The following PHLDB2 variants were observed in gnomAD, a reference collection of about 807,000 sequenced individuals.
PHLDB2 encodes the protein pleckstrin homology like domain family B member 2.
A neutral mutation model predicts 123.6 loss-of-function variants in PHLDB2; 71 were observed. That is an observed-to-expected ratio of 0.57 (90% CI 0.47 to 0.70). PHLDB2 has a LOEUF of 0.70. Ranked by LOEUF, PHLDB2 falls within the 30% of genes least tolerant of loss-of-function variation. The pLI, the probability that PHLDB2 is intolerant of heterozygous loss-of-function variation, is 0.00. For synonymous variants in PHLDB2, 547 were observed against 541.6 expected, an observed-to-expected ratio of 1.01 and a Z score of -0.14; for missense variants, 1,446 against 1,519.5, an observed-to-expected ratio of 0.95 and a Z score of 0.80.
At chr3:111,797,409 T>C (rs1045283205) in intron 1 of PHLDB2, among the ~76,000 whole-genome samples, 1 of 152,178 alleles carries the variant, frequency 6.6e-6, no homozygotes, top group African/African-American at 2.4e-5. Context: ...CCATCTCACT[T>C]TCCTAATTCT....
At chr3:111,901,079 G>T (rs1439982305) in intron 2 of PHLDB2, among the ~76,000 whole-genome samples, 3 of 152,042 alleles carry the variant, frequency 2.0e-5, no homozygotes, top group Non-Finnish European at 4.4e-5. Flanking sequence ...TTTAACACAG[G>T]CCAGGCTTGG....
At chr3:111,813,053 AG>A (rs1340017387) in intron 1 of PHLDB2, among the ~76,000 whole-genome samples, 2 of 152,222 alleles carry the variant, frequency 1.3e-5, no homozygotes, top group African/African-American at 4.8e-5. Flanking sequence ...AAAATCTAGC[AG>A]AGTGCTTTAG....
At chr3:111,903,670 T>G (rs1271016134) in intron 2 of PHLDB2, among the ~76,000 whole-genome samples, 2 of 152,226 alleles carry the variant, frequency 1.3e-5, no homozygotes, top group African/African-American at 4.8e-5. Context: ...TCTAGTTCAC[T>G]TCACGCTTTT....
At chr3:111,796,434 A>T (rs1483530017) in intron 1 of PHLDB2, among the ~76,000 whole-genome samples, 1 of 152,064 alleles carries the variant, frequency 6.6e-6, no homozygotes, top group Non-Finnish European at 1.5e-5. Flanking sequence ...TCCCTTTCCT[A>T]ATTCTGGTAA....
intron 2 of PHLDB2, among the ~76,000 whole-genome samples, chr3:111,908,632 C>G (rs893808624): frequency 6.6e-6 from 1 of 152,136 alleles, no homozygotes; most frequent in Non-Finnish European, 1.5e-5. Context: ...TTGGCCGGTA[C>G]AAGTCTGAGG....
In PHLDB2 at chr3:111,766,929, G is replaced by C. The variant is rs6777990; in HGVS notation, c.-49+34226G>C. Among the ~76,000 whole-genome samples the C allele has an allele frequency of 7.9e-5, 12 of 151,480 alleles. No individual in the cohort carries two copies. The East Asian group carries it at 2.3e-3, about 30-fold the overall frequency. The stretch of plus-strand genomic sequence containing the variant: ...GCCTGTAATCCCAGCTACTTGGGAG[G>C]CTGAGGCAGGAGAATCGCTGGAACG... On this transcript the variant is annotated intron_variant, in intron 1 of 17. Coordinates refer to the PHLDB2 transcript ENST00000393923.
intron 1 of PHLDB2, among the ~76,000 whole-genome samples, chr3:111,777,675 C>T (rs1156411597): frequency 6.7e-6 from 1 of 150,174 alleles, no homozygotes; most frequent in African/African-American, 2.5e-5. Context: ...CTTGTGGTAA[C>T]CCCATATGCA....
intron 1 of PHLDB2, among the ~76,000 whole-genome samples, chr3:111,780,755 T>G (rs919311802): frequency 3.9e-5 from 6 of 152,062 alleles, no homozygotes; most frequent in Non-Finnish European, 8.8e-5. Context: ...ACTTGCAGCT[T>G]TGATGTCCCC....
chr3:111,814,767 A>G (rs750964890), intron 1 of PHLDB2, among the ~76,000 whole-genome samples: 1 of 152,150 alleles, frequency 6.6e-6, no homozygotes, highest in Admixed American at 6.5e-5. Context: ...TTACAAGCAC[A>G]AAGAGAGGGA....
rs564763933 is a variant in PHLDB2 at position 111,888,600 on chromosome 3, G to T, written c.1335+3188G>T. Among the ~76,000 whole-genome samples the T allele has an allele frequency of 6.6e-4, 101 of 152,328 alleles. 2 individuals carry two copies. The highest frequency in any genetic ancestry group is 1.9e-3 in the Admixed American group (29 of 15,302). On this transcript the variant is annotated intron_variant, in intron 2 of 17. Transcript: ENST00000431670. Reference sequence around the variant, plus strand: ...TCGCAAAGCTCAGGAAGTTACACTTGTAAGGTACTAATCTCTGTTCTGTGG... The same window carrying T: ...TCGCAAAGCTCAGGAAGTTACACTTTTAAGGTACTAATCTCTGTTCTGTGG...
chr3:111,943,527 T>C (rs1021310864), intron 8 of PHLDB2, among the ~76,000 whole-genome samples: 10 of 152,106 alleles, frequency 6.6e-5, no homozygotes, highest in Admixed American at 5.9e-4. Flanking sequence ...ATTAAGAACC[T>C]GTACACATCA....
rs1397226984 is a variant in PHLDB2 at position 111,945,283 on chromosome 3, T to A, written c.2413T>A (p.Cys805Ser). ...MMLQREKENL[C>S]NLEKKYSSLS... ...ATTCCTTCAGGAAAAGGAGAATCTT[T>A]GTAATTTGGAAAAGAAATACTCCAG... Residue 805 changes from cysteine (C) to serine (S), a missense_variant, in exon 9 of 18, where the codon TGT becomes AGT. Transcript: ENST00000431670. 22 of 1,609,818 alleles carry A rather than the reference T, an allele frequency of 1.4e-5. No individual in the cohort carries two copies. Among genetic ancestry groups the A allele is most frequent in the Non-Finnish European group, 1.9e-5 (22 of 1,176,692 alleles).
At chr3:111,783,782 T>G (rs1447456639) in intron 1 of PHLDB2, among the ~76,000 whole-genome samples, 1 of 152,176 alleles carries the variant, frequency 6.6e-6, no homozygotes. Flanking sequence ...AATCTTGCCT[T>G]AATCCCAAAG....
chr3:111,954,849 T>C (rs2070942111), intron 12 of PHLDB2, among the ~76,000 whole-genome samples: 1 of 152,120 alleles, frequency 6.6e-6, no homozygotes. Context: ...AATGAAATAA[T>C]GGCGGTATGC....
intron 1 of PHLDB2, 124 bp downstream of exon 1, chr3:111,859,700 G>GGTTGGGGGCGGAGAGTTGGGGGCGGAGA: frequency 2.0e-6 from 2 of 985,350 alleles, no homozygotes; most frequent in East Asian, 2.3e-4. Context: ...CGCTGCGGAG[G>GGTTGGGGGCGGAGAGTTGGGGGCGGAGA]GTTGGGGGCG....
chr3:111,799,565 G>A (rs994151955), intron 1 of PHLDB2, among the ~76,000 whole-genome samples: 1 of 152,122 alleles, frequency 6.6e-6, no homozygotes, highest in East Asian at 1.9e-4. Flanking sequence ...AAATTCTAAA[G>A]GAAGGTGAGG....
At chr3:111,969,974 C>T in intron 16 of PHLDB2, 65 bp downstream of exon 16, 1 of 1,489,188 alleles carries the variant, frequency 6.7e-7, no homozygotes, top group South Asian at 1.2e-5. Context: ...AGAGCAAAGG[C>T]AATTGAAATT....
intron 1 of PHLDB2, among the ~76,000 whole-genome samples, chr3:111,748,463 G>A (rs1183523019): frequency 2.0e-5 from 3 of 152,130 alleles, no homozygotes; most frequent in Admixed American, 1.3e-4. Flanking sequence ...ATTTCACTTG[G>A]TGACCCTGTG....
rs140366503 is a variant in PHLDB2, at chr3:111,913,600, G to A, written c.1617G>A (p.Arg539=). 19 of 1,613,980 alleles carry A rather than the reference G, an allele frequency of 1.2e-5. No individual in the cohort carries two copies. Among genetic ancestry groups the A allele is most frequent in the Non-Finnish European group, 1.4e-5 (17 of 1,180,020 alleles). Residue 539 remains arginine (R), a synonymous_variant, in exon 3 of 18, where the codon AGG becomes AGA. Coordinates refer to ENST00000431670, the MANE Select transcript of PHLDB2 (RefSeq NM_001134438.2). Reference sequence around the variant, plus strand: ...GCTTCTTTACCCCCAGGAGCACCAGGAATGATGAACTACTCAGTGACCTCA... The same window carrying A: ...GCTTCTTTACCCCCAGGAGCACCAGAAATGATGAACTACTCAGTGACCTCA... ...SASFFTPRST[R]NDELLSDLTR... is the part of the protein sequence containing the mutation.
Sources: allele counts gnomAD v4.1 joint callset (sites outside exome capture counted in the v4.1 genomes callset), GRCh38; gene constraint gnomAD v4.1.1; transcripts MANE v1.5; gene names NCBI Gene and HGNC (gene_info 2026-07-23, HGNC 2026-07-21).